The following TTC21B variants were observed in gnomAD, a reference collection of about 807,000 sequenced individuals.
TTC21B encodes the protein tetratricopeptide repeat protein 21B.
Under a neutral mutation model 175.1 loss-of-function variants are expected in TTC21B, and 127 were observed. The ratio of observed to expected loss-of-function variants is 0.73; its 90% CI spans 0.63 to 0.84. The LOEUF is 0.84. Among genes scored for constraint, TTC21B ranks in the 40% least tolerant of loss-of-function variants. TTC21B has a pLI of 0.00. For synonymous variants in TTC21B, 524 were observed against 524.5 expected, an observed-to-expected ratio of 1.00 and a Z score of 0.01; for missense variants, 1,561 against 1,558.3, an observed-to-expected ratio of 1.00 and a Z score of -0.03.
chr2:165,881,325 T>C (rs1684827468), intron 26 of TTC21B, among the ~76,000 whole-genome samples: 1 of 152,146 alleles, frequency 6.6e-6, no homozygotes, highest in African/African-American at 2.4e-5. Context: ...TGTTAATGAC[T>C]CCTTAATAGC....
At chr2:165,891,030 C>G in intron 22 of TTC21B, 42 bp from the exon 23 acceptor site, 1 of 1,519,192 alleles carries the variant, frequency 6.6e-7, no homozygotes. Context: ...CCATTTTATA[C>G]TGTTTCTTTT....
intron 5 of TTC21B, among the ~76,000 whole-genome samples, chr2:165,941,972 T>C (rs540627383): frequency 2.0e-5 from 3 of 152,166 alleles, no homozygotes; most frequent in African/African-American, 4.8e-5. Flanking sequence ...ATGTATCTCA[T>C]AGTCAGAAAA....
intron 12 of TTC21B, 53 bp downstream of exon 12, chr2:165,924,496 G>C (rs1686547423): frequency 6.4e-7 from 1 of 1,561,176 alleles, no homozygotes; most frequent in African/African-American, 1.4e-5. Flanking sequence ...ATTTACGCTT[G>C]TTTTTATCAA....
At chr2:165,893,256 T>C (rs1685254756) in intron 22 of TTC21B, among the ~76,000 whole-genome samples, 1 of 152,194 alleles carries the variant, frequency 6.6e-6, no homozygotes, top group South Asian at 2.1e-4. Context: ...ATAATATTTA[T>C]ACTTCCAAAA....
chr2:165,911,935 G>C lies in TTC21B; in HGVS notation c.2323-470C>G, dbSNP rs1445815265. Among the ~76,000 whole-genome samples, 17 of 152,054 alleles carry C rather than the reference G, an allele frequency of 1.1e-4. 1 individual carries two copies. On this transcript the variant is annotated intron_variant, in intron 17 of 28. Transcript: ENST00000243344. ...CCGTCTTGGCCTCCCAAAGTGTTAG[G>C]ATTACAGGCGTGAGCCACCACACCT...
At chr2:165,928,549 T>C (rs1686764055) in intron 11 of TTC21B, among the ~76,000 whole-genome samples, 1 of 152,036 alleles carries the variant, frequency 6.6e-6, no homozygotes, top group Non-Finnish European at 1.5e-5. Context: ...ATATAAAACA[T>C]AAATGGCTGG....
chr2:165,931,065 CT>C (rs1194856421), intron 8 of TTC21B, among the ~76,000 whole-genome samples: 1 of 151,946 alleles, frequency 6.6e-6, no homozygotes, highest in Non-Finnish European at 1.5e-5. Context: ...TAAATACCTC[CT>C]TAATTCAAAC....
chr2:165,934,898 G>C (rs781414084), intron 6 of TTC21B: 19 of 152,142 alleles, frequency 1.2e-4, no homozygotes, highest in Non-Finnish European at 2.2e-4. Context: ...ACTTGAGGGA[G>C]AGACTACAAT....
intron 27 of TTC21B, chr2:165,880,109 A>G (rs1657049090): frequency 6.5e-6 from 1 of 154,888 alleles, no homozygotes; most frequent in African/African-American, 2.4e-5. Context: ...GTTGGTCATG[A>G]CATATATTCT....
At chr2:165,935,523 T>C (rs773107653) in intron 6 of TTC21B, among the ~76,000 whole-genome samples, 4 of 152,132 alleles carry the variant, frequency 2.6e-5, no homozygotes, top group African/African-American at 9.7e-5. Context: ...AAGAAATACA[T>C]AGATGTTTAC....
intron 13 of TTC21B, among the ~76,000 whole-genome samples, chr2:165,918,137 CT>C (rs1686246941): frequency 6.6e-6 from 1 of 152,218 alleles, no homozygotes; most frequent in South Asian, 2.1e-4. Flanking sequence ...GGTTCTCAAC[CT>C]TAGGCAGCCT....
chr2:165,912,584 T>C lies in TTC21B; in HGVS notation c.2252A>G (p.Gln751Arg). The C allele has an allele frequency of 6.2e-7, 1 of 1,614,176 alleles. No homozygotes were observed. Among genetic ancestry groups the C allele is most frequent in the Non-Finnish European group, 8.5e-7 (1 of 1,180,010 alleles). ...AIVAYEQALN[Q>R]NPKDGTLASK... ...TGCCAATGTTCCATCTTTCGGGTTC[T>C]GATTTAATGCTTGCTCATATGCTAC... Residue 751 changes from glutamine to arginine, a missense_variant, in exon 17 of 29, where the codon CAG (glutamine) becomes CGG (arginine). Transcript: ENST00000243344.
intron 6 of TTC21B, among the ~76,000 whole-genome samples, chr2:165,940,127 T>C (rs1687310791): frequency 6.6e-6 from 1 of 152,168 alleles, no homozygotes; most frequent in South Asian, 2.1e-4. Flanking sequence ...CTATTCTTTC[T>C]CTTACACCTA....
At chr2:165,914,300 C>A (rs921136503) in intron 15 of TTC21B, among the ~76,000 whole-genome samples, 8 of 152,110 alleles carry the variant, frequency 5.3e-5, no homozygotes, top group Non-Finnish European at 1.0e-4. Flanking sequence ...TGAAACAAAA[C>A]CTATACTTTT....
chr2:165,911,668 ATT>A (rs1167955966), intron 17 of TTC21B, among the ~76,000 whole-genome samples: 1 of 134,800 alleles, frequency 7.4e-6, no homozygotes, highest in Non-Finnish European at 1.6e-5. Flanking sequence ...ATATATATAT[ATT>A]TTTTTTTTTT....
At chr2:165,916,299 T>A (rs1423160547) in intron 14 of TTC21B, among the ~76,000 whole-genome samples, 3 of 152,174 alleles carry the variant, frequency 2.0e-5, no homozygotes, top group Admixed American at 2.0e-4. Flanking sequence ...TTCTTTGTGA[T>A]TTGGCAAATA....
intron 11 of TTC21B, among the ~76,000 whole-genome samples, chr2:165,925,965 GCAAA>G (rs1686613517): frequency 6.6e-6 from 1 of 152,140 alleles, no homozygotes; most frequent in Non-Finnish European, 1.5e-5. Context: ...CATTTTCACT[GCAAA>G]CAATTTCAAT....
intron 12 of TTC21B, among the ~76,000 whole-genome samples, chr2:165,924,216 G>C (rs1686533372): frequency 6.6e-6 from 1 of 152,108 alleles, no homozygotes; most frequent in Admixed American, 6.5e-5. Flanking sequence ...GGCAAATGTT[G>C]CATTTGGTTA....
At chr2:165,906,955 C>CAAAAAAA (rs1160627145) in intron 19 of TTC21B, among the ~76,000 whole-genome samples, 482 of 59,964 alleles carry the variant, frequency 8.0e-3, no homozygotes, top group Middle Eastern at 0.013. Flanking sequence ...AACTCCGTCT[C>CAAAAAAA]AAAAAAAAAA....
Sources: gnomAD v4.1 joint callset for allele counts (sites outside exome capture counted in the v4.1 genomes callset) on GRCh38, gnomAD v4.1.1 for gene constraint, MANE v1.5 for transcripts, NCBI Gene and HGNC (gene_info 2026-07-23, HGNC 2026-07-21) for gene names.